WASF1: variants seen among roughly 807,000 people sequenced by gnomAD.
WASF1 encodes the protein actin-binding protein WASF1.
Under a neutral mutation model 50.5 loss-of-function variants are expected in WASF1, and 7 were observed. The observed-to-expected ratio is 0.14, with a 90% CI of 0.08 to 0.26. The LOEUF (loss-of-function observed/expected upper bound fraction) is 0.26. WASF1 is among the 10% of genes least tolerant of loss of function. The probability of loss-of-function intolerance (pLI) is 1.00; values close to 1 mark genes in which losing one functional copy is unlikely to be tolerated. For missense variants in WASF1, 470 were observed against 694.7 expected (o/e 0.68, Z 3.64); for synonymous variants, 205 against 244.0 (o/e 0.84, Z 1.49).
At chr6:110,138,457 C>T (rs1342045824) in intron 3 of WASF1, among the ~76,000 whole-genome samples, 1 of 152,236 alleles carries the variant, frequency 6.6e-6, no homozygotes, top group Non-Finnish European at 1.5e-5. Context: ...TCTTCCAGTC[C>T]TGCCATTCAG....
chr6:110,165,212 A>ACACT (rs2114610620), intron 2 of WASF1, among the ~76,000 whole-genome samples: 1 of 151,792 alleles, frequency 6.6e-6, no homozygotes, highest in Non-Finnish European at 1.5e-5. Flanking sequence ...TATCAACGTA[A>ACACT]GTTCATCAGT....
At chr6:110,131,225 C>A (rs540732061) in intron 3 of WASF1, among the ~76,000 whole-genome samples, 53 of 152,262 alleles carry the variant, frequency 3.5e-4, no homozygotes, top group Admixed American at 1.2e-3. Context: ...TTTCTAAAAT[C>A]TTTTTCTACA....
intron 10 of WASF1, 61 bp downstream of exon 10, chr6:110,101,527 A>T: frequency 1.3e-6 from 2 of 1,522,810 alleles, no homozygotes; most frequent in Admixed American, 4.3e-5. Flanking sequence ...TTTTGTCTTA[A>T]ATATTTAGAA....
intron 3 of WASF1, among the ~76,000 whole-genome samples, chr6:110,128,234 T>C (rs1774501802): frequency 6.6e-6 from 1 of 152,216 alleles, no homozygotes; most frequent in African/African-American, 2.4e-5. Flanking sequence ...ACAAAACGTT[T>C]TTTAAAAACT....
At chr6:110,107,748 C>T (rs1323238151) in intron 6 of WASF1, among the ~76,000 whole-genome samples, 1 of 152,086 alleles carries the variant, frequency 6.6e-6, no homozygotes, top group East Asian at 1.9e-4. Context: ...TTTAACAAAC[C>T]ATGTGAAAGA....
chr6:110,143,355 T>C (rs1217407672), intron 3 of WASF1, among the ~76,000 whole-genome samples: 1 of 151,932 alleles, frequency 6.6e-6, no homozygotes, highest in African/African-American at 2.4e-5. Context: ...ATTGTTTATT[T>C]TGATGACTAC....
chr6:110,103,760 A>G (rs1773196744), intron 8 of WASF1, among the ~76,000 whole-genome samples: 1 of 152,220 alleles, frequency 6.6e-6, no homozygotes, highest in South Asian at 2.1e-4. Context: ...TTGTTGATTT[A>G]GAGATCTACT....
chr6:110,139,242 G>A (rs968215938), intron 3 of WASF1, among the ~76,000 whole-genome samples: 1 of 152,204 alleles, frequency 6.6e-6, no homozygotes, highest in Non-Finnish European at 1.5e-5. Context: ...CCAAGCCTGT[G>A]GGGGCAAAGA....
intron 3 of WASF1, among the ~76,000 whole-genome samples, chr6:110,148,843 C>T (rs980514316): frequency 1.3e-5 from 2 of 152,140 alleles, no homozygotes; most frequent in African/African-American, 2.4e-5. Context: ...GATAGTGATA[C>T]AGAAGCATGT....
intron 7 of WASF1, among the ~76,000 whole-genome samples, chr6:110,106,686 C>T (rs1001793940): frequency 3.9e-5 from 6 of 152,162 alleles, no homozygotes; most frequent in African/African-American, 1.4e-4. Flanking sequence ...TCTACGTTAC[C>T]AATATCTGTA....
intron 9 of WASF1, among the ~76,000 whole-genome samples, chr6:110,102,562 A>G (rs1562160235): frequency 1.3e-5 from 2 of 152,184 alleles, no homozygotes; most frequent in Non-Finnish European, 2.9e-5. Flanking sequence ...ATTGATCATA[A>G]TGCAATTTTG....
intron 3 of WASF1, among the ~76,000 whole-genome samples, chr6:110,135,150 T>C (rs1336769277): frequency 2.0e-5 from 3 of 152,230 alleles, no homozygotes; most frequent in South Asian, 2.1e-4. Flanking sequence ...AGGGTTTGAG[T>C]TCTGGATTTG....
chr6:110,108,408 G>T, intron 6 of WASF1, 120 bp downstream of exon 6: 1 of 962,008 alleles, frequency 1.0e-6, no homozygotes, highest in Non-Finnish European at 1.5e-6. Flanking sequence ...AAAGGTGGTG[G>T]ACAGAGAGGG....
At chr6:110,167,924 T>C (rs1194335840) in intron 2 of WASF1, among the ~76,000 whole-genome samples, 1 of 152,012 alleles carries the variant, frequency 6.6e-6, no homozygotes, top group Non-Finnish European at 1.5e-5. Context: ...ACTGATTACA[T>C]TGGAAACATT....
At chr6:110,154,583 A>G (rs56209747) in intron 3 of WASF1, among the ~76,000 whole-genome samples, 1 of 152,040 alleles carries the variant, frequency 6.6e-6, no homozygotes, top group African/African-American at 2.4e-5. Context: ...TAGACTTCAC[A>G]ATTTACCCAT....
chr6:110,143,668 T>C (rs370675473), intron 3 of WASF1, among the ~76,000 whole-genome samples: 22 of 152,228 alleles, frequency 1.4e-4, no homozygotes, highest in African/African-American at 4.8e-4. Context: ...ACATTAACAG[T>C]TAATAATTGC....
At chr6:110,143,762 G>T (rs574526117) in intron 3 of WASF1, among the ~76,000 whole-genome samples, 2 of 152,118 alleles carry the variant, frequency 1.3e-5, no homozygotes, top group African/African-American at 4.8e-5. Flanking sequence ...TACATTCATG[G>T]TCAATGAAAT....
At chr6:110,128,589 A>T (rs1401066054) in intron 3 of WASF1, among the ~76,000 whole-genome samples, 1 of 152,224 alleles carries the variant, frequency 6.6e-6, no homozygotes, top group East Asian at 1.9e-4. Flanking sequence ...CATATGCACA[A>T]ATTTGAGTGA....
At chr6:110,139,780 G>A (rs958044759) in intron 3 of WASF1, among the ~76,000 whole-genome samples, 3 of 152,006 alleles carry the variant, frequency 2.0e-5, no homozygotes, top group African/African-American at 7.2e-5. Context: ...ATAGTACTGA[G>A]CCTATATATA....
Sources: gnomAD v4.1 joint callset for allele counts (sites outside exome capture counted in the v4.1 genomes callset) on GRCh38, gnomAD v4.1.1 for gene constraint, MANE v1.5 for transcripts, NCBI Gene and HGNC (gene_info 2026-07-23, HGNC 2026-07-21) for gene names.